NOCT: variants seen among roughly 807,000 people sequenced by gnomAD.
The protein encoded by NOCT is CCR4 carbon catabolite repression 4-like.
In NOCT, 18 loss-of-function variants were observed where a neutral mutation model predicts 35.0. The ratio of observed to expected loss-of-function variants is 0.51; its 90% CI spans 0.36 to 0.76. NOCT has a LOEUF of 0.76. Ranked by LOEUF, NOCT falls within the 30% of genes least tolerant of loss-of-function variation. The pLI is 0.01. For synonymous variants in NOCT, 235 were observed against 226.3 expected (o/e 1.04, Z -0.34); for missense variants, 479 against 541.0 (o/e 0.89, Z 1.14).
chr4:139,039,170 C>A (rs369869963), intron 1 of NOCT, among the ~76,000 whole-genome samples: 475 of 91,324 alleles, frequency 5.2e-3, no homozygotes, highest in South Asian at 8.5e-3. Flanking sequence ...GACTCCATTT[C>A]AAAAAAAAAA....
chr4:139,017,315 C>T (rs1726331312), intron 1 of NOCT, among the ~76,000 whole-genome samples: 1 of 146,702 alleles, frequency 6.8e-6, no homozygotes, highest in African/African-American at 2.5e-5. Context: ...GCAACCTCTG[C>T]CTCCCGGGTT....
At chr4:139,034,177 C>T (rs1264567620) in intron 1 of NOCT, among the ~76,000 whole-genome samples, 2 of 152,114 alleles carry the variant, frequency 1.3e-5, no homozygotes, top group South Asian at 2.1e-4. Flanking sequence ...GGGCTGAACT[C>T]GCCCTTTTAT....
chr4:139,039,319 T>C (rs1365403525), intron 1 of NOCT, among the ~76,000 whole-genome samples: 1 of 152,144 alleles, frequency 6.6e-6, no homozygotes, highest in African/African-American at 2.4e-5. Context: ...AATATGTTAC[T>C]TCATTTTCTT....
chr4:139,040,042 CTTT>C (rs35176403), intron 1 of NOCT, among the ~76,000 whole-genome samples: 9 of 119,574 alleles, frequency 7.5e-5, no homozygotes, highest in East Asian at 2.5e-4. Flanking sequence ...GTATCATTTT[CTTT>C]TTTTTTTTTT....
rs1295318790 is a variant in NOCT, at chr4:139,016,127, C to T, written c.146C>T (p.Ala49Val). 20 of 1,285,508 alleles carry T rather than the reference C, an allele frequency of 1.6e-5. No individual in the cohort carries two copies. Among genetic ancestry groups the T allele is most frequent in the Admixed American group, 7.5e-5 (2 of 26,492 alleles). 79.6% of individuals were successfully genotyped at this position (1,285,508 alleles called of 1,614,324 possible). A position where few individuals can be genotyped will look rare whatever the true frequency, so the allele number is the denominator to read the frequency against. ...PRPASPRLLA[A>V]ASAASGAARS... ...CCCGCATCCCCCCGGCTGCTGGCGG[C>T]GGCCTCGGCGGCCTCGGGCGCCGCG... The change falls in exon 1 of 3, where the codon GCG becomes GTG. Residue 49 changes from alanine to valine, a missense_variant. Ala to Val is a moderately conservative substitution (Grantham distance 64). Transcript: ENST00000280614.
Position 139,036,414 on chromosome 4 carries a change from A to G in NOCT, c.191-6660A>G, listed in dbSNP as rs534654976. 3.3e-5 allele frequency among the ~76,000 whole-genome samples: 5 copies of G among 152,294 alleles called. No individual in the cohort carries two copies. In the East Asian group the frequency reaches 7.7e-4, roughly 24 times the overall value. Reference sequence around the variant, plus strand: ...CTGGCTCCAACTCAAAGATTTGACAAAAAATGAATGAACAGTCGTATGTGT... The same window carrying G: ...CTGGCTCCAACTCAAAGATTTGACAGAAAATGAATGAACAGTCGTATGTGT... On this transcript the variant is annotated intron_variant, in intron 1 of 2. Coordinates refer to ENST00000280614, the MANE Select transcript of NOCT (RefSeq NM_012118.4).
At chr4:139,025,929 A>G (rs895147248) in intron 1 of NOCT, among the ~76,000 whole-genome samples, 3 of 152,152 alleles carry the variant, frequency 2.0e-5, no homozygotes, top group African/African-American at 7.2e-5. Flanking sequence ...GATATGCAAC[A>G]TATTCTTTTT....
At chr4:139,038,917 A>G (rs1726783122) in intron 1 of NOCT, among the ~76,000 whole-genome samples, 1 of 152,038 alleles carries the variant, frequency 6.6e-6, no homozygotes, top group Non-Finnish European at 1.5e-5. Context: ...CTAGTTCTAG[A>G]TATGGCAAAT....
chr4:139,042,928 AAG>A (rs1726862108), intron 1 of NOCT, 144 bp from the exon 2 acceptor site: 4 of 694,348 alleles, frequency 5.8e-6, no homozygotes, highest in Admixed American at 3.3e-5. Flanking sequence ...AAAAAAAAAA[AAG>A]AAAAAAGAAA....
chr4:139,016,000 C>A lies in NOCT; in HGVS notation c.19C>A (p.Arg7=). The A allele has an allele frequency of 7.2e-7, 1 of 1,385,538 alleles. No homozygotes were observed. Among genetic ancestry groups the A allele is most frequent in the South Asian group, 1.6e-5 (1 of 64,320 alleles). 85.8% of individuals were successfully genotyped at this position (1,385,538 alleles called of 1,614,324 possible). A position where few individuals can be genotyped will look rare whatever the true frequency, so the allele number is the denominator to read the frequency against. Residue 7 remains arginine, a synonymous_variant, in exon 1 of 3, where the codon CGG becomes AGG. Coordinates refer to ENST00000280614, the MANE Select transcript of NOCT (RefSeq NM_012118.4). The part of the protein sequence containing the change: MFHSPR[R]LCSALLQRDA... ...GCCCGGCATGTTTCATAGTCCGCGG[C>A]GGCTCTGCTCGGCCCTGCTGCAGAG...
At chr4:139,040,248 G>A (rs1301845890) in intron 1 of NOCT, among the ~76,000 whole-genome samples, 1 of 146,888 alleles carries the variant, frequency 6.8e-6, no homozygotes, top group Non-Finnish European at 1.5e-5. Context: ...CACTGTGTTA[G>A]CCAAGATGGT....
chr4:139,021,463 A>G lies in NOCT; in HGVS notation c.190+5292A>G, dbSNP rs187557053. 4.6e-5 allele frequency among the ~76,000 whole-genome samples: 7 copies of G among 152,228 alleles called. No individual in the cohort carries two copies. The East Asian group carries it at 1.2e-3, about 25-fold the overall frequency. On this transcript the variant is annotated intron_variant, in intron 1 of 2. Coordinates refer to ENST00000280614, the MANE Select transcript of NOCT (RefSeq NM_012118.4). The stretch of plus-strand genomic sequence containing the variant: ...GAGAAACCCCATTTCTACTAAAAAT[A>G]CAAAATGAGCTGGGCGTGGTGGCAC...
chr4:139,030,577 T>C (rs1320731579), intron 1 of NOCT, among the ~76,000 whole-genome samples: 1 of 152,132 alleles, frequency 6.6e-6, no homozygotes, highest in Non-Finnish European at 1.5e-5. Flanking sequence ...AGGAGAGCCA[T>C]TGGTTGATCC....
At chr4:139,020,635 G>A (rs1726391050) in intron 1 of NOCT, among the ~76,000 whole-genome samples, 1 of 152,146 alleles carries the variant, frequency 6.6e-6, no homozygotes, top group African/African-American at 2.4e-5. Context: ...CCGGTGGAGT[G>A]CATATTTAAC....
intron 1 of NOCT, among the ~76,000 whole-genome samples, chr4:139,022,087 G>A (rs1050829920): frequency 1.3e-5 from 2 of 152,164 alleles, no homozygotes; most frequent in African/African-American, 4.8e-5. Context: ...GGCTTTGATA[G>A]CCACTTAAGT....
chr4:139,023,825 T>A (rs927472464), intron 1 of NOCT, among the ~76,000 whole-genome samples: 1 of 152,158 alleles, frequency 6.6e-6, no homozygotes, highest in African/African-American at 2.4e-5. Flanking sequence ...TTGTGAGTAT[T>A]GATTATCTGT....
chr4:139,021,978 C>T (rs1306680901), intron 1 of NOCT, among the ~76,000 whole-genome samples: 2 of 151,982 alleles, frequency 1.3e-5, no homozygotes, highest in African/African-American at 2.4e-5. Context: ...AGGCTCCTCT[C>T]GAACTCCTGA....
intron 1 of NOCT, among the ~76,000 whole-genome samples, chr4:139,023,043 G>T (rs1726443831): frequency 6.6e-6 from 1 of 151,986 alleles, no homozygotes; most frequent in South Asian, 2.1e-4. Context: ...GGAGGTTGCA[G>T]CTAGCTGAGA....
At chr4:139,041,056 T>A (rs1726825883) in intron 1 of NOCT, among the ~76,000 whole-genome samples, 1 of 152,250 alleles carries the variant, frequency 6.6e-6, no homozygotes, top group Non-Finnish European at 1.5e-5. Context: ...ATGTGTGTAT[T>A]TGTGGGAGAG....
Sources: allele counts gnomAD v4.1 joint callset (sites outside exome capture counted in the v4.1 genomes callset), GRCh38; gene constraint gnomAD v4.1.1; transcripts MANE v1.5; gene names NCBI Gene and HGNC (gene_info 2026-07-23, HGNC 2026-07-21).